The following DLG2 variants were observed in gnomAD, a reference collection of about 807,000 sequenced individuals.
DLG2 encodes the protein discs large MAGUK scaffold protein 2.
In DLG2, 45 loss-of-function variants were observed where a neutral mutation model predicts 132.5. The observed-to-expected ratio is 0.34, with a 90% CI of 0.27 to 0.44. The LOEUF (loss-of-function observed/expected upper bound fraction) is 0.44. Ranked by LOEUF, DLG2 falls within the 20% of genes least tolerant of loss-of-function variation. DLG2 has a pLI of 1.00. For missense variants in DLG2, 1,045 were observed against 1,196.9 expected, an observed-to-expected ratio of 0.87 and a Z score of 1.87; for synonymous variants, 424 against 419.6, an observed-to-expected ratio of 1.01 and a Z score of -0.13.
chr11:83,564,346 G>T (rs553746461), intron 19 of DLG2, among the ~76,000 whole-genome samples: 5 of 152,092 alleles, frequency 3.3e-5, no homozygotes, highest in South Asian at 4.2e-4. Flanking sequence ...GGAATGGGGG[G>T]GGTCAGGAGC....
chr11:84,197,931 G>T (rs997461298), intron 8 of DLG2, among the ~76,000 whole-genome samples: 5 of 152,082 alleles, frequency 3.3e-5, no homozygotes, highest in African/African-American at 1.2e-4. Context: ...GGCTTCAGCG[G>T]CCCCACACCA....
chr11:85,361,866 G>T (rs1224886255), intron 3 of DLG2, among the ~76,000 whole-genome samples: 1 of 152,176 alleles, frequency 6.6e-6, no homozygotes, highest in Non-Finnish European at 1.5e-5. Context: ...GATAGGGATT[G>T]TGTTGAATCT....
intron 7 of DLG2, among the ~76,000 whole-genome samples, chr11:84,401,663 G>T (rs551460773): frequency 6.6e-6 from 1 of 152,206 alleles, no homozygotes; most frequent in South Asian, 2.1e-4. Flanking sequence ...GTTATTCTGG[G>T]TGGTGACCCT....
intron 7 of DLG2, among the ~76,000 whole-genome samples, chr11:84,507,543 T>C (rs2099244919): frequency 6.6e-6 from 1 of 152,230 alleles, no homozygotes; most frequent in Non-Finnish European, 1.5e-5. Context: ...ATCCTTGTCT[T>C]GTTCCAATTC....
At chr11:85,324,616 A>C (rs1252371834) in intron 3 of DLG2, among the ~76,000 whole-genome samples, 1 of 152,192 alleles carries the variant, frequency 6.6e-6, no homozygotes, top group Non-Finnish European at 1.5e-5. Flanking sequence ...GTAGTTTCTA[A>C]CATACCTGAA....
At chr11:83,500,712 T>C (rs1344042060) in intron 21 of DLG2, among the ~76,000 whole-genome samples, 1 of 152,142 alleles carries the variant, frequency 6.6e-6, no homozygotes, top group Non-Finnish European at 1.5e-5. Flanking sequence ...ATAAATTTAT[T>C]TATTGAATGC....
chr11:85,505,700 C>T (rs970668942), intron 3 of DLG2, among the ~76,000 whole-genome samples: 8 of 152,122 alleles, frequency 5.3e-5, no homozygotes, highest in Non-Finnish European at 8.8e-5. Flanking sequence ...TGTGTCTCTG[C>T]CAGGCTTTGG....
At position 84,741,192 on chromosome 11, in the gene DLG2, G is replaced by A. The variant is rs907370186; in HGVS notation, c.358-206461C>T. Reference sequence around the variant, plus strand: ...CGCCATTCTCCTGCCTCAGCCTCCCGAGTAGCTGGGACTACAGGCGCCCGC... The same window carrying A: ...CGCCATTCTCCTGCCTCAGCCTCCCAAGTAGCTGGGACTACAGGCGCCCGC... On this transcript the variant is annotated intron_variant, in intron 6 of 27. Coordinates refer to ENST00000376104, the MANE Select transcript of DLG2 (RefSeq NM_001142699.3). 5.5e-5 allele frequency among the ~76,000 whole-genome samples: 8 copies of A among 146,630 alleles called. No homozygotes were observed. In the East Asian group the frequency reaches 1.7e-3, roughly 31 times the overall value.
chr11:84,051,390 A>G (rs2096376104), intron 11 of DLG2, among the ~76,000 whole-genome samples: 1 of 152,078 alleles, frequency 6.6e-6, no homozygotes, highest in Admixed American at 6.6e-5. Context: ...TCCAACAATG[A>G]TAGACTGGAT....
At chr11:84,944,679 A>G (rs1441387415) in intron 6 of DLG2, among the ~76,000 whole-genome samples, 3 of 143,752 alleles carry the variant, frequency 2.1e-5, no homozygotes, top group African/African-American at 7.9e-5. Flanking sequence ...ATCTCGGCTC[A>G]CCGCAACCTC....
intron 6 of DLG2, among the ~76,000 whole-genome samples, chr11:85,045,027 G>A (rs1290437131): frequency 1.3e-5 from 2 of 152,000 alleles, no homozygotes; most frequent in East Asian, 3.9e-4. Context: ...AAAGTAGGAT[G>A]AATTATTTGA....
intron 19 of DLG2, among the ~76,000 whole-genome samples, chr11:83,583,153 T>G (rs1474546349): frequency 4.6e-5 from 7 of 152,242 alleles, no homozygotes; most frequent in Non-Finnish European, 1.0e-4. Context: ...AAGAAATACT[T>G]AATTCTGTTC....
intron 6 of DLG2, among the ~76,000 whole-genome samples, chr11:84,769,856 A>G (rs562327116): frequency 1.3e-5 from 2 of 152,348 alleles, no homozygotes; most frequent in East Asian, 3.9e-4. Context: ...CCAAGAATTT[A>G]ATATCCTGCC....
chr11:85,626,419 C>A (rs1469375637), intron 2 of DLG2, among the ~76,000 whole-genome samples, 168 bp downstream of exon 2: 1 of 152,182 alleles, frequency 6.6e-6, no homozygotes, highest in African/African-American at 2.4e-5. Context: ...ATACTATAGT[C>A]TTGCTTCCTT....
chr11:84,505,611 G>T (rs1395668446), intron 7 of DLG2, among the ~76,000 whole-genome samples: 1 of 152,056 alleles, frequency 6.6e-6, no homozygotes, highest in Non-Finnish European at 1.5e-5. Flanking sequence ...CTGCCTTATA[G>T]AATTATTGAA....
chr11:84,117,994 T>A (rs2093717156), intron 9 of DLG2, among the ~76,000 whole-genome samples: 1 of 152,054 alleles, frequency 6.6e-6, no homozygotes, highest in East Asian at 1.9e-4. Flanking sequence ...TAGCTGAGAC[T>A]ACAGGCACGT....
At chr11:84,892,888 G>A (rs996326517) in intron 6 of DLG2, among the ~76,000 whole-genome samples, 1 of 151,858 alleles carries the variant, frequency 6.6e-6, no homozygotes, top group African/African-American at 2.4e-5. Flanking sequence ...TAAAACAGAG[G>A]AAGAGAAGAG....
chr11:83,854,176 T>C (rs1248835618), intron 16 of DLG2, among the ~76,000 whole-genome samples: 1 of 151,944 alleles, frequency 6.6e-6, no homozygotes, highest in Non-Finnish European at 1.5e-5. Flanking sequence ...TAACAAAATA[T>C]GTACAAGACC....
intron 6 of DLG2, among the ~76,000 whole-genome samples, chr11:84,977,690 T>C (rs1233192320): frequency 6.6e-6 from 1 of 152,224 alleles, no homozygotes; most frequent in East Asian, 1.9e-4. Flanking sequence ...TAAGTGTTTA[T>C]AGATCACAAT....
Sources: allele counts gnomAD v4.1 joint callset (sites outside exome capture counted in the v4.1 genomes callset), GRCh38; gene constraint gnomAD v4.1.1; transcripts MANE v1.5; gene names NCBI Gene and HGNC (gene_info 2026-07-23, HGNC 2026-07-21).